RELN: variants seen among roughly 807,000 people sequenced by gnomAD.
RELN encodes reelin.
A neutral mutation model predicts 427.6 loss-of-function variants in RELN; 108 were observed. The ratio of observed to expected loss-of-function variants is 0.25; its 90% CI spans 0.22 to 0.30. RELN has a LOEUF of 0.30. Among genes scored for constraint, RELN ranks in the 10% least tolerant of loss-of-function variants. The probability of loss-of-function intolerance (pLI) is 1.00; values close to 1 mark genes in which losing one functional copy is unlikely to be tolerated. For missense variants in RELN, 3,715 were observed against 4,302.8 expected (o/e 0.86, Z 3.82); for synonymous variants, 1,524 against 1,513.4 (o/e 1.01, Z -0.16).
intron 1 of RELN, among the ~76,000 whole-genome samples, chr7:103,974,352 A>C (rs1457247623): frequency 6.6e-6 from 1 of 152,176 alleles, no homozygotes; most frequent in Non-Finnish European, 1.5e-5. Context: ...AAAGCTTGGA[A>C]ATGAACTCAG....
At chr7:103,903,793 G>A (rs1795134899) in intron 2 of RELN, among the ~76,000 whole-genome samples, 1 of 151,870 alleles carries the variant, frequency 6.6e-6, no homozygotes, top group Admixed American at 6.6e-5. Flanking sequence ...TCTTCCTTAG[G>A]GATATATTTT....
intron 20 of RELN, 66 bp downstream of exon 20, chr7:103,629,874 G>C: frequency 1.0e-6 from 1 of 1,003,696 alleles, no homozygotes; most frequent in South Asian, 1.3e-5. Flanking sequence ...TGAATAGACT[G>C]GAAGATCATC....
chr7:103,637,126 T>C (rs1832600364), intron 17 of RELN, among the ~76,000 whole-genome samples: 1 of 152,208 alleles, frequency 6.6e-6, no homozygotes, highest in South Asian at 2.1e-4. Context: ...GCTGTATTTA[T>C]ATTAGCTGAC....
At chr7:103,825,655 T>C (rs1463223029) in intron 3 of RELN, among the ~76,000 whole-genome samples, 1 of 152,142 alleles carries the variant, frequency 6.6e-6, no homozygotes, top group Non-Finnish European at 1.5e-5. Context: ...AATCTTGTGC[T>C]ACACAACAGA....
chr7:103,683,562 G>A (rs181547289), intron 10 of RELN, among the ~76,000 whole-genome samples: 26 of 152,226 alleles, frequency 1.7e-4, no homozygotes, highest in Admixed American at 4.6e-4. Flanking sequence ...TGATGTCATA[G>A]TTATCATAAC....
At chr7:103,773,166 T>TTCTTTTTC (rs1289805486) in intron 4 of RELN, among the ~76,000 whole-genome samples, 2 of 82,406 alleles carry the variant, frequency 2.4e-5, no homozygotes, top group African/African-American at 8.1e-5. Flanking sequence ...CTTTCTTTCT[T>TTCTTTTTC]TTTCTTTCTT....
Position 103,523,371 on chromosome 7 carries a change from G to T in RELN, c.7490+20C>A. On this transcript the variant is annotated intron_variant, in intron 47 of 64. Coordinates refer to ENST00000428762, the MANE Select transcript of RELN (RefSeq NM_005045.4). ...GTGAATCAGGAGCTTTCAACAGAAG[G>T]AAGAAAAAAACCGACTTACACGCAG... is the stretch of plus-strand genomic sequence containing the variant. The T allele has an allele frequency of 6.2e-7, 1 of 1,613,984 alleles. No individual in the cohort carries two copies. Among genetic ancestry groups the T allele is most frequent in the Non-Finnish European group, 8.5e-7 (1 of 1,179,962 alleles).
chr7:103,761,542 T>A (rs1355435479), intron 4 of RELN, among the ~76,000 whole-genome samples: 1 of 152,026 alleles, frequency 6.6e-6, no homozygotes, highest in African/African-American at 2.4e-5. Flanking sequence ...AATCTCAACC[T>A]CCTAGGCTTA....
intron 1 of RELN, among the ~76,000 whole-genome samples, chr7:103,925,334 ATAATT>A (rs1007656227): frequency 4.6e-5 from 7 of 152,170 alleles, no homozygotes; most frequent in Non-Finnish European, 7.4e-5. Context: ...TTTGGCCTTT[ATAATT>A]TAATTCTGAA....
At chr7:103,857,701 C>A (rs1245555616) in intron 2 of RELN, among the ~76,000 whole-genome samples, 1 of 152,202 alleles carries the variant, frequency 6.6e-6, no homozygotes, top group Non-Finnish European at 1.5e-5. Context: ...AGATGATTTA[C>A]AGCTGACATC....
intron 57 of RELN, among the ~76,000 whole-genome samples, chr7:103,495,467 G>A (rs949823282): frequency 2.0e-5 from 3 of 151,956 alleles, no homozygotes; most frequent in Admixed American, 6.6e-5. Context: ...CACTGCACCC[G>A]GCCTGCAATT....
chr7:103,492,386 ACTTT>A (rs1339218142), intron 57 of RELN, among the ~76,000 whole-genome samples: 1 of 152,176 alleles, frequency 6.6e-6, no homozygotes, highest in Non-Finnish European at 1.5e-5. Context: ...TGATAGCCTA[ACTTT>A]CTTGATTGTT....
At chr7:103,488,779 A>G (rs545435128) in intron 60 of RELN, among the ~76,000 whole-genome samples, 31 of 152,354 alleles carry the variant, frequency 2.0e-4, no homozygotes, top group African/African-American at 7.5e-4. Flanking sequence ...CAGGTCATTT[A>G]GCCTCCCTGA....
intron 2 of RELN, among the ~76,000 whole-genome samples, chr7:103,878,415 A>C (rs888644182): frequency 1.3e-5 from 2 of 152,154 alleles, no homozygotes; most frequent in Admixed American, 1.3e-4. Context: ...ATTGGTGTTT[A>C]TCTCCTTCTC....
Position 103,968,498 on chromosome 7 carries a change from A to G in RELN, c.226+20633T>C, listed in dbSNP as rs1258914247. On this transcript the variant is annotated intron_variant, in intron 1 of 64. Transcript: ENST00000428762. The surrounding 1 kb of genome is among the most constrained non-coding windows in gnomAD (Gnocchi z 4.3). Reference sequence around the variant, plus strand: ...GAGAAATTAGGGGACAGAAAAAAAAATAAAAGTATGAAAGAAATTGTAAAA... The same window carrying G: ...GAGAAATTAGGGGACAGAAAAAAAAGTAAAAGTATGAAAGAAATTGTAAAA... 6.6e-6 allele frequency among the ~76,000 whole-genome samples: 1 copy of G among 152,218 alleles called. No homozygotes were observed. The highest frequency in any genetic ancestry group is 1.5e-5 in the Non-Finnish European group (1 of 68,038).
chr7:103,568,949 G>A (rs1187882559), intron 31 of RELN, among the ~76,000 whole-genome samples: 2 of 152,208 alleles, frequency 1.3e-5, no homozygotes, highest in African/African-American at 2.4e-5. Flanking sequence ...AACCTGTGAT[G>A]GTTTAAAAAA....
rs1182487213 is a variant in RELN, at chr7:103,569,740, TGCAAGAAAGGCAAAGA to T, written c.4588+2428_4588+2443del. Among the ~76,000 whole-genome samples, 1 of 152,158 alleles carries T rather than the reference TGCAAGAAAGGCAAAGA, an allele frequency of 6.6e-6. No homozygotes were observed. The highest frequency in any genetic ancestry group is 2.4e-5 in the African/African-American group (1 of 41,422). ...AGATAAGAATGAGAGGGTCGAGGAA[TGCAAGAAAGGCAAAGA>T]GCAATATACATATCTCATATCACTT... On this transcript the variant is annotated intron_variant, in intron 31 of 64. Coordinates refer to ENST00000428762, the MANE Select transcript of RELN (RefSeq NM_005045.4). The surrounding 1 kb of genome is among the most constrained non-coding windows in gnomAD (Gnocchi z 4.0).
intron 20 of RELN, among the ~76,000 whole-genome samples, chr7:103,622,888 C>T (rs766544789): frequency 1.1e-4 from 16 of 152,204 alleles, no homozygotes; most frequent in African/African-American, 9.7e-5. Context: ...TTTCTATCTT[C>T]GTCTCCAACA....
At chr7:103,588,018 C>T (rs936998981) in intron 28 of RELN, among the ~76,000 whole-genome samples, 2 of 152,162 alleles carry the variant, frequency 1.3e-5, no homozygotes, top group Non-Finnish European at 2.9e-5. Context: ...CCATATGATC[C>T]AGTAATCCTA....
Sources: gnomAD v4.1 joint callset for allele counts (sites outside exome capture counted in the v4.1 genomes callset) on GRCh38, gnomAD v4.1.1 for gene constraint, Gnocchi (gnomAD v3.1) non-coding constraint, MANE v1.5 for transcripts, NCBI Gene and HGNC (gene_info 2026-07-23, HGNC 2026-07-21) for gene names.